Variants in RGS20 observed in about 807,000 individuals in gnomAD.
RGS20 encodes regulator of G protein signaling 20, also known as gz-selective GTPase-activating protein.
In RGS20, 30 loss-of-function variants were observed where a neutral mutation model predicts 33.6. The ratio of observed to expected loss-of-function variants is 0.89; its 90% CI spans 0.67 to 1.21. The LOEUF (loss-of-function observed/expected upper bound fraction) is 1.21. Among genes scored for constraint, RGS20 ranks in the 50% most tolerant of loss-of-function variants. The pLI, the probability that RGS20 is intolerant of heterozygous loss-of-function variation, is 0.00. For missense variants in RGS20, 472 were observed against 502.4 expected, an observed-to-expected ratio of 0.94 and a Z score of 0.58; for synonymous variants, 208 against 197.9, an observed-to-expected ratio of 1.05 and a Z score of -0.43.
chr8:53,930,260 A>C (rs181552717), intron 2 of RGS20, among the ~76,000 whole-genome samples: 1 of 152,252 alleles, frequency 6.6e-6, no homozygotes, highest in African/African-American at 2.4e-5. Context: ...ATGCTAAAAT[A>C]TCTACTTAGA....
chr8:53,856,658 T>G lies in RGS20; in HGVS notation c.165+4594T>G, dbSNP rs73587673. 8.2e-3 allele frequency among the ~76,000 whole-genome samples: 1,246 copies of G among 152,304 alleles called. 18 individuals carry two copies. Among genetic ancestry groups the G allele is most frequent in the African/African-American group, 0.028 (1,165 of 41,560 alleles). On this transcript the variant is annotated intron_variant, in intron 1 of 5. Coordinates refer to ENST00000297313, the MANE Select transcript of RGS20 (RefSeq NM_170587.4). ...AGAGAAAGCATTACAGCTGCTCTAG[T>G]GATAAGTCAACTCTGTCAATATAGA...
intron 2 of RGS20, among the ~76,000 whole-genome samples, chr8:53,928,385 T>C (rs1813861467): frequency 6.6e-6 from 1 of 152,196 alleles, no homozygotes; most frequent in African/African-American, 2.4e-5. Flanking sequence ...AGATGAGAGA[T>C]TGTTAGTAAA....
chr8:53,930,540 T>C (rs1813923999), intron 2 of RGS20, among the ~76,000 whole-genome samples: 2 of 152,052 alleles, frequency 1.3e-5, no homozygotes, highest in Non-Finnish European at 2.9e-5. Context: ...AATTAGGATA[T>C]GGTTTTGTTT....
chr8:53,935,068 C>A (rs548736245), intron 2 of RGS20, among the ~76,000 whole-genome samples: 24 of 152,226 alleles, frequency 1.6e-4, no homozygotes, highest in African/African-American at 4.6e-4. Context: ...CCAATGAGAA[C>A]AAAGACACAA....
chr8:53,869,592 C>T (rs1812009689), intron 1 of RGS20, among the ~76,000 whole-genome samples: 1 of 152,064 alleles, frequency 6.6e-6, no homozygotes. Context: ...AGGAGAATCG[C>T]TTGAACCTGG....
At chr8:53,853,653 C>A (rs1469826099) in intron 1 of RGS20, among the ~76,000 whole-genome samples, 1 of 152,208 alleles carries the variant, frequency 6.6e-6, no homozygotes, top group Admixed American at 6.5e-5. Context: ...TTTGAGTCTG[C>A]AGATACCATT....
chr8:53,879,195 C>T (rs1374039788), intron 1 of RGS20: 35 of 1,355,162 alleles, frequency 2.6e-5, no homozygotes, highest in Non-Finnish European at 3.6e-5. Flanking sequence ...TAAAGAGCCC[C>T]ATCTAAGCGG....
At chr8:53,870,735 A>G (rs1812044326) in intron 1 of RGS20, among the ~76,000 whole-genome samples, 1 of 151,464 alleles carries the variant, frequency 6.6e-6, no homozygotes, top group Non-Finnish European at 1.5e-5. Flanking sequence ...TGATGATTCC[A>G]CTCAGCTTTG....
chr8:53,874,500 C>T (rs570264799), intron 1 of RGS20, among the ~76,000 whole-genome samples: 1 of 152,128 alleles, frequency 6.6e-6, no homozygotes, highest in East Asian at 1.9e-4. Flanking sequence ...AGTCTGAAAT[C>T]TGTAGGGCAA....
At chr8:53,922,291 T>C (rs1813669944) in intron 2 of RGS20, among the ~76,000 whole-genome samples, 2 of 152,208 alleles carry the variant, frequency 1.3e-5, no homozygotes, top group Non-Finnish European at 2.9e-5. Flanking sequence ...TTGTGTTTAA[T>C]AGTATTTTAT....
chr8:53,941,157 G>A (rs1419534363), intron 3 of RGS20, among the ~76,000 whole-genome samples: 1 of 152,182 alleles, frequency 6.6e-6, no homozygotes, highest in South Asian at 2.1e-4. Flanking sequence ...AGGTCCCAGA[G>A]CAGGCTCCTC....
chr8:53,920,480 A>G (rs1253297124), intron 2 of RGS20, among the ~76,000 whole-genome samples: 2 of 152,084 alleles, frequency 1.3e-5, no homozygotes, highest in African/African-American at 2.4e-5. Flanking sequence ...GCAAATAGAG[A>G]TATAGAGATA....
intron 1 of RGS20, among the ~76,000 whole-genome samples, chr8:53,878,314 A>C (rs1812254112): frequency 6.6e-6 from 1 of 152,178 alleles, no homozygotes; most frequent in African/African-American, 2.4e-5. Flanking sequence ...CACTGAGTTC[A>C]ACCCCTTTAT....
chr8:53,909,209 GTATATATA>G (rs1178436696), intron 2 of RGS20, among the ~76,000 whole-genome samples: 762 of 43,718 alleles, frequency 0.017, 13 homozygotes, highest in Non-Finnish European at 0.022. Context: ...TGGTATGTGT[GTATATATA>G]TATATATATA....
intron 2 of RGS20, among the ~76,000 whole-genome samples, chr8:53,933,948 A>G (rs1020019475): frequency 2.6e-5 from 4 of 152,168 alleles, no homozygotes; most frequent in Non-Finnish European, 4.4e-5. Context: ...AGTGGGGTCC[A>G]ATATTCAACA....
intron 2 of RGS20, among the ~76,000 whole-genome samples, chr8:53,883,408 C>T (rs982958757): frequency 5.9e-5 from 9 of 151,994 alleles, no homozygotes; most frequent in African/African-American, 2.2e-4. Flanking sequence ...AGGTGATCCG[C>T]CTGCCTCCGC....
intron 2 of RGS20, among the ~76,000 whole-genome samples, chr8:53,929,055 G>A (rs1813880631): frequency 6.6e-6 from 1 of 152,186 alleles, no homozygotes; most frequent in Non-Finnish European, 1.5e-5. Context: ...AATAAAAGAT[G>A]TTGTATGGTT....
At chr8:53,905,652 G>C (rs1488943799) in intron 2 of RGS20, among the ~76,000 whole-genome samples, 1 of 152,090 alleles carries the variant, frequency 6.6e-6, no homozygotes, top group Admixed American at 6.6e-5. Flanking sequence ...TGGTGACCCG[G>C]TGTTACTCTT....
intron 2 of RGS20, among the ~76,000 whole-genome samples, chr8:53,921,662 G>T (rs955846715): frequency 2.6e-5 from 4 of 151,256 alleles, no homozygotes; most frequent in Non-Finnish European, 5.9e-5. Context: ...TTCCATTATC[G>T]TTCTTTTTAT....
Sources: allele counts gnomAD v4.1 joint callset (sites outside exome capture counted in the v4.1 genomes callset), GRCh38; gene constraint gnomAD v4.1.1; transcripts MANE v1.5; gene names NCBI Gene and HGNC (gene_info 2026-07-23, HGNC 2026-07-21).